Variants in PTPRN2 observed in about 807,000 individuals in gnomAD.
PTPRN2 encodes receptor-type tyrosine-protein phosphatase N2.
A neutral mutation model predicts 118.8 loss-of-function variants in PTPRN2; 74 were observed. That is an observed-to-expected ratio of 0.62 (90% CI 0.52 to 0.76). The LOEUF is 0.76. Among genes scored for constraint, PTPRN2 ranks in the 30% least tolerant of loss-of-function variants. The probability of loss-of-function intolerance (pLI) is 0.00; values close to 1 mark genes in which losing one functional copy is unlikely to be tolerated. For missense variants in PTPRN2, 1,481 were observed against 1,394.4 expected (o/e 1.06, Z -0.99); for synonymous variants, 641 against 608.0 (o/e 1.05, Z -0.80).
chr7:158,365,686 GCAGCCCAA>G (rs1809387205), intron 2 of PTPRN2, among the ~76,000 whole-genome samples: 1 of 133,720 alleles, frequency 7.5e-6, no homozygotes. Flanking sequence ...GGGAGAAGCC[GCAGCCCAA>G]TGCACACATG....
In PTPRN2 at chr7:157,632,047, G is replaced by A. The variant is rs1368299741; in HGVS notation, c.2197-10538C>T. On this transcript the variant is annotated intron_variant, in intron 14 of 22. Transcript: ENST00000389418. The surrounding 1 kb of genome is among the most constrained non-coding windows in gnomAD (Gnocchi z 4.3). Reference sequence around the variant, plus strand: ...CTCTTTGCAAAGTGGTGTGTTAAGAGGACATGAAAACTGGCTCTATCTTGA... The same window carrying A: ...CTCTTTGCAAAGTGGTGTGTTAAGAAGACATGAAAACTGGCTCTATCTTGA... Among the ~76,000 whole-genome samples the A allele has an allele frequency of 2.0e-5, 3 of 152,162 alleles. No individual in the cohort carries two copies. The highest frequency in any genetic ancestry group is 4.4e-5 in the Non-Finnish European group (3 of 68,034).
At chr7:158,129,891 C>G (rs1055382755) in intron 9 of PTPRN2, among the ~76,000 whole-genome samples, 1 of 152,106 alleles carries the variant, frequency 6.6e-6, no homozygotes, top group Non-Finnish European at 1.5e-5. Flanking sequence ...CAGACAGACA[C>G]GTGGGACGCC....
intron 11 of PTPRN2, among the ~76,000 whole-genome samples, chr7:157,939,865 C>G (rs1315340095): frequency 2.0e-5 from 3 of 152,232 alleles, no homozygotes; most frequent in Non-Finnish European, 2.9e-5. Context: ...CCACAGGTCT[C>G]TGGCCTGTGA....
At chr7:158,522,912 G>A (rs561582088) in intron 1 of PTPRN2, among the ~76,000 whole-genome samples, 5 of 152,312 alleles carry the variant, frequency 3.3e-5, no homozygotes, top group Non-Finnish European at 5.9e-5. Context: ...CCGTGAGAAG[G>A]GAGAGGGCAG....
At chr7:158,459,288 C>T (rs1157658313) in intron 2 of PTPRN2, among the ~76,000 whole-genome samples, 1 of 151,936 alleles carries the variant, frequency 6.6e-6, no homozygotes, top group Non-Finnish European at 1.5e-5. Context: ...AATCCAGAGC[C>T]CCCACTGCCT....
At chr7:158,188,892 C>T (rs183106720) in intron 5 of PTPRN2, among the ~76,000 whole-genome samples, 6 of 152,138 alleles carry the variant, frequency 3.9e-5, no homozygotes, top group Non-Finnish European at 7.4e-5. Flanking sequence ...GTTAGTGTGA[C>T]GAGGCCACGG....
chr7:157,966,851 G>A (rs11976766), intron 11 of PTPRN2, among the ~76,000 whole-genome samples: 70,389 of 151,182 alleles, frequency 0.47, 16,494 homozygotes, highest in South Asian at 0.54. Flanking sequence ...CATCACAATG[G>A]TCACTATCAT....
chr7:157,980,481 G>A (rs1481120701), intron 11 of PTPRN2, among the ~76,000 whole-genome samples: 1 of 152,234 alleles, frequency 6.6e-6, no homozygotes, highest in African/African-American at 2.4e-5. Flanking sequence ...GCCGGGCACG[G>A]TGGCTCACAC....
intron 2 of PTPRN2, among the ~76,000 whole-genome samples, chr7:158,336,485 G>A (rs1253842721): frequency 8.1e-6 from 1 of 123,408 alleles, no homozygotes; most frequent in Non-Finnish European, 1.7e-5. Context: ...CATAAGAGCT[G>A]ACGCCCGCAG....
rs992979522 is a variant in PTPRN2 at position 157,895,054 on chromosome 7, C to G, written c.1788+3619G>C. On this transcript the variant is annotated intron_variant, in intron 12 of 22. Coordinates refer to ENST00000389418, the MANE Select transcript of PTPRN2 (RefSeq NM_002847.5). ...ATCAACCACAAAAGAGGACCCCTCC[C>G]CCACAGGAGGGGGTCAGCAGATGTG... Among the ~76,000 whole-genome samples the G allele has an allele frequency of 3.3e-5, 5 of 151,994 alleles. No homozygotes were observed. In the East Asian group the frequency reaches 5.8e-4, roughly 18 times the overall value.
intron 11 of PTPRN2, among the ~76,000 whole-genome samples, chr7:157,971,101 G>T (rs79687073): frequency 0.038 from 5,817 of 152,166 alleles, 356 homozygotes; most frequent in African/African-American, 0.13. Flanking sequence ...GCTTATGTGG[G>T]TGTTTTCTCC....
At chr7:158,352,170 C>T (rs1447992720) in intron 2 of PTPRN2, among the ~76,000 whole-genome samples, 1 of 3,728 alleles carries the variant, frequency 2.7e-4, no homozygotes. Flanking sequence ...CCCTCCTGAC[C>T]GCTCCCCTCC....
At chr7:158,190,242 G>A (rs1825656047) in intron 5 of PTPRN2, among the ~76,000 whole-genome samples, 1 of 152,148 alleles carries the variant, frequency 6.6e-6, no homozygotes, top group Non-Finnish European at 1.5e-5. Context: ...GGCTCCCCCT[G>A]GCCCCAGAGC....
intron 11 of PTPRN2, among the ~76,000 whole-genome samples, chr7:157,998,201 G>A (rs1248063145): frequency 6.6e-6 from 1 of 152,068 alleles, no homozygotes; most frequent in African/African-American, 2.4e-5. Flanking sequence ...GCTGCAGCCT[G>A]GCTTCAGCTT....
chr7:158,300,038 G>C (rs180983299), intron 3 of PTPRN2, among the ~76,000 whole-genome samples: 1 of 152,158 alleles, frequency 6.6e-6, no homozygotes, highest in African/African-American at 2.4e-5. Context: ...TTTTCCCACT[G>C]TCTGACAGTT....
Position 158,175,187 on chromosome 7 carries a change from CCT to C in PTPRN2, c.550-7898_550-7897del, listed in dbSNP as rs537113589. ...TTGACCACATAACACACGTTTTCTC[CCT>C]GTCTCACTGCCCGCCGGCAGCACTG... On this transcript the variant is annotated intron_variant, in intron 5 of 22. Coordinates refer to ENST00000389418, the MANE Select transcript of PTPRN2 (RefSeq NM_002847.5). 1.1e-4 allele frequency among the ~76,000 whole-genome samples: 17 copies of C among 152,318 alleles called. No homozygotes were observed. In the South Asian group the frequency reaches 2.9e-3, roughly 26 times the overall value.
At chr7:158,462,077 C>T (rs539517730) in intron 2 of PTPRN2, among the ~76,000 whole-genome samples, 3 of 152,260 alleles carry the variant, frequency 2.0e-5, no homozygotes, top group African/African-American at 7.2e-5. Context: ...CTTCCGCCCA[C>T]GCCCTGTGCT....
intron 2 of PTPRN2, among the ~76,000 whole-genome samples, chr7:158,352,051 G>A (rs1284545960): frequency 7.1e-5 from 8 of 111,934 alleles, no homozygotes; most frequent in African/African-American, 2.6e-4. Context: ...CCTCCTGACC[G>A]CTCCCCTCCT....
intron 11 of PTPRN2, among the ~76,000 whole-genome samples, chr7:157,938,600 G>T (rs1799863587): frequency 6.6e-6 from 1 of 152,178 alleles, no homozygotes; most frequent in African/African-American, 2.4e-5. Flanking sequence ...GATCTGCTTT[G>T]CACTGAAGAC....
Sources: allele counts gnomAD v4.1 joint callset (sites outside exome capture counted in the v4.1 genomes callset), GRCh38; gene constraint gnomAD v4.1.1; non-coding constraint Gnocchi (gnomAD v3.1); transcripts MANE v1.5; gene names NCBI Gene and HGNC (gene_info 2026-07-23, HGNC 2026-07-21).